The following CDC42BPG variants were observed in gnomAD, a reference collection of about 807,000 sequenced individuals.
CDC42BPG encodes the protein CDC42 binding protein kinase gamma.
Under a neutral mutation model 192.2 loss-of-function variants are expected in CDC42BPG, and 157 were observed. The observed-to-expected ratio is 0.82, with a 90% CI of 0.72 to 0.93. The LOEUF (loss-of-function observed/expected upper bound fraction) is 0.93. Among genes scored for constraint, CDC42BPG ranks in the 40% least tolerant of loss-of-function variants. The probability of loss-of-function intolerance (pLI) is 0.00; values close to 1 mark genes in which losing one functional copy is unlikely to be tolerated. For missense variants in CDC42BPG, 1,992 were observed against 2,122.1 expected, an observed-to-expected ratio of 0.94 and a Z score of 1.20; for synonymous variants, 981 against 918.5, an observed-to-expected ratio of 1.07 and a Z score of -1.23.
At chr11:64,826,189 C>A (rs1434302425) in intron 36 of CDC42BPG, among the ~76,000 whole-genome samples, 1 of 152,086 alleles carries the variant, frequency 6.6e-6, no homozygotes, top group Non-Finnish European at 1.5e-5. Flanking sequence ...GAAACCACAT[C>A]ATTTTACAGG....
chr11:64,827,193 G>A (rs768017730), intron 33 of CDC42BPG, 26 bp from the exon 34 acceptor site: 4 of 1,613,372 alleles, frequency 2.5e-6, no homozygotes, highest in Admixed American at 3.3e-5. Context: ...TAAGTAGTGG[G>A]TGGCGAAGCT....
chr11:64,834,162 G>C (rs1206966908), intron 20 of CDC42BPG, 104 bp downstream of exon 20: 6 of 1,397,166 alleles, frequency 4.3e-6, no homozygotes, highest in Non-Finnish European at 4.9e-6. Context: ...TCCAGGAACA[G>C]ACTCCTGTCT....
chr11:64,833,102 G>A, intron 24 of CDC42BPG, 129 bp downstream of exon 24: 1 of 1,291,192 alleles, frequency 7.7e-7, no homozygotes, highest in Non-Finnish European at 1.1e-6. Context: ...GTGAGAAAAG[G>A]AACAAAGCTG....
chr11:64,841,988 G>A lies in CDC42BPG; in HGVS notation c.161-84C>T, dbSNP rs185351450. The A allele has an allele frequency of 1.6e-3, 1,791 of 1,107,154 alleles. 3 individuals carry two copies. Among genetic ancestry groups the A allele is most frequent in the Non-Finnish European group, 2.1e-3 (1,553 of 749,914 alleles). The allele number at this position is 1,107,154 out of a possible 1,614,324, so 68.6% of individuals were successfully genotyped here. On this transcript the variant is annotated intron_variant, in intron 1 of 36. Coordinates refer to ENST00000342711, the MANE Select transcript of CDC42BPG (RefSeq NM_017525.3). ...CACCTTGGGCAAGCCAGGAGCTGCC[G>A]CTCCTGTGAGCCCAGGCAGGGATGA... is the stretch of plus-strand genomic sequence containing the variant.
intron 24 of CDC42BPG, 125 bp downstream of exon 24, chr11:64,833,106 A>G: frequency 1.6e-6 from 2 of 1,289,668 alleles, no homozygotes; most frequent in Non-Finnish European, 2.1e-6. Context: ...GAAAAGGAAC[A>G]AAGCTGAGCA....
rs369082197 is a variant in CDC42BPG, at chr11:64,834,352, C to T, written c.2327G>A (p.Arg776His). The T allele has an allele frequency of 1.7e-4, 260 of 1,568,642 alleles. No homozygotes were observed. The highest frequency in any genetic ancestry group is 1.1e-3 in the Middle Eastern group (6 of 5,258). The part of the protein sequence containing the change: ...VQEAQLQAER[R>H]LQEAEKQSQA... Reference sequence around the variant, plus strand: ...GCTCTGCTTCTCGGCCTCCTGCAGACGGCTGGGGAGAATGGCAAGGGCTCG... The same window carrying T: ...GCTCTGCTTCTCGGCCTCCTGCAGATGGCTGGGGAGAATGGCAAGGGCTCG... The change falls in exon 20 of 37, where the codon CGT (arginine) becomes CAT (histidine). Residue 776 changes from arginine (R) to histidine (H), a missense_variant and splice_region_variant. Arg to His is a conservative substitution (Grantham distance 29). This residue lies in a region of CDC42BPG where 1,656 missense variants were observed against 1,844.3 expected (regional missense o/e 0.90). Transcript: ENST00000342711.
chr11:64,824,608 C>A (rs577709800), intron 36 of CDC42BPG, 79 bp from the exon 37 acceptor site: 17 of 963,864 alleles, frequency 1.8e-5, no homozygotes, highest in Middle Eastern at 2.2e-4. Flanking sequence ...GTCCTGGAGG[C>A]CCCCTTAGGA....
In CDC42BPG at chr11:64,829,748, G is replaced by C. The variant is rs1224235470; in HGVS notation, c.3690C>G (p.Ser1230Arg). ...ATAGCCGGTCGCCCAGCAGCCCCAG[G>C]CTCTGCACAGTGGCAGGTGCCTGCA... ...RELQAPATVQ[S>R]LGLLGDRLCV... Residue 1230 changes from serine to arginine, a missense_variant, in exon 30 of 37, where the codon AGC (serine) becomes AGG (arginine). By Grantham distance (110) the Ser-to-Arg change is moderately radical (BLOSUM62 -1). Around this residue, in one of 2 missense-constraint regions of CDC42BPG, gnomAD observed 1,656 missense variants for 1,844.3 expected, o/e 0.90. Coordinates refer to ENST00000342711, the MANE Select transcript of CDC42BPG (RefSeq NM_017525.3). 3 of 1,606,354 alleles carry C rather than the reference G, an allele frequency of 1.9e-6. No homozygotes were observed. The Admixed American group carries it at 5.1e-5, about 27-fold the overall frequency.
chr11:64,843,521 A>G (rs1943372414), intron 1 of CDC42BPG, among the ~76,000 whole-genome samples: 1 of 152,102 alleles, frequency 6.6e-6, no homozygotes, highest in Non-Finnish European at 1.5e-5. Flanking sequence ...GTGCCTTCCC[A>G]GAGCTCAGGA....
intron 28 of CDC42BPG, 64 bp downstream of exon 28, chr11:64,831,441 A>C: frequency 1.4e-6 from 2 of 1,460,812 alleles, no homozygotes; most frequent in Non-Finnish European, 1.9e-6. Flanking sequence ...CCTTGGGACT[A>C]TTCCTAGACA....
rs189842130 is a variant in CDC42BPG, at chr11:64,834,060, G to C, written c.2414-83C>G. 4.3e-4 allele frequency: 681 copies of C among 1,576,634 alleles called. 1 individual carries two copies. The African/African-American group carries it at 8.1e-3, about 19-fold the overall frequency. On this transcript the variant is annotated intron_variant, in intron 20 of 36. Coordinates refer to ENST00000342711, the MANE Select transcript of CDC42BPG (RefSeq NM_017525.3). Reference sequence around the variant, plus strand: ...AGGAGGGGCCTCAGTTCCCACCTCAGTAAAATGGGAAATGACCACAGGGTG... The same window carrying C: ...AGGAGGGGCCTCAGTTCCCACCTCACTAAAATGGGAAATGACCACAGGGTG...
At position 64,827,383 on chromosome 11, in the gene CDC42BPG, T is replaced by C; in HGVS notation, c.4166A>G (p.Asp1389Gly). ...RNQLAEKDEF[D>G]IPDLTDNSRR... ...GCTGTTGTCGGTGAGGTCCGGGATG[T>C]CGAACTCGTCCTTCTCTGTGGGAGA... is the stretch of plus-strand genomic sequence containing the variant. Residue 1389 changes from aspartate to glycine, a missense_variant, in exon 33 of 37, where the codon GAC becomes GGC. By Grantham distance (94) the Asp-to-Gly change is moderately conservative. Coordinates refer to ENST00000342711, the MANE Select transcript of CDC42BPG (RefSeq NM_017525.3). 6.2e-7 allele frequency: 1 copy of C among 1,613,650 alleles called. No individual in the cohort carries two copies. The highest frequency in any genetic ancestry group is 1.1e-5 in the South Asian group (1 of 91,082).
In CDC42BPG at chr11:64,835,356, C is replaced by G. The variant is rs1361782265; in HGVS notation, c.1944G>C (p.Glu648Asp). 6.2e-7 allele frequency: 1 copy of G among 1,614,052 alleles called. No individual in the cohort carries two copies. The highest frequency in any genetic ancestry group is 1.7e-5 in the Admixed American group (1 of 60,034). Residue 648 changes from glutamate to aspartate, a missense_variant, in exon 16 of 37, where the codon GAG (glutamate) becomes GAC (aspartate). Physicochemically the swap from Glu to Asp is conservative, Grantham distance 45. Coordinates refer to ENST00000342711, the MANE Select transcript of CDC42BPG (RefSeq NM_017525.3). ...LQEENRRLSR[E>D]QERLEAELAQ... ...GTTGTACCCTGCTCACCCGCTCCTG[C>G]TCCCGGCTCAGCCTCCGGTTTTCCT...
chr11:64,844,650 G>T lies in CDC42BPG; in HGVS notation c.-81C>A. The T allele has an allele frequency of 1.4e-5, 16 of 1,121,970 alleles. No individual in the cohort carries two copies. The highest frequency in any genetic ancestry group is 1.8e-5 in the Non-Finnish European group (16 of 891,194). The allele number at this position is 1,121,970 out of a possible 1,614,324, so 69.5% of individuals were successfully genotyped here. A position where few individuals can be genotyped will look rare whatever the true frequency, so the allele number is the denominator to read the frequency against. On this transcript the variant is annotated 5_prime_UTR_variant, in exon 1 of 37. Transcript: ENST00000342711. ...TGTCGGGCCGTCCGTCCGCCCAACC[G>T]TCTGAGGCTCTGTCCGCGCGTCCTC...
intron 8 of CDC42BPG, 35 bp downstream of exon 8, chr11:64,838,619 G>A: frequency 6.2e-7 from 1 of 1,606,536 alleles, no homozygotes; most frequent in Non-Finnish European, 8.5e-7. Flanking sequence ...AGGGGGTAGG[G>A]CAGCTCCCCT....
chr11:64,843,348 G>A (rs888666804), intron 1 of CDC42BPG, among the ~76,000 whole-genome samples: 7 of 152,060 alleles, frequency 4.6e-5, no homozygotes, highest in African/African-American at 1.7e-4. Context: ...TCATGGGGGG[G>A]GTGACAACAA....
intron 30 of CDC42BPG, 59 bp downstream of exon 30, chr11:64,829,412 G>C: frequency 6.3e-7 from 1 of 1,574,830 alleles, no homozygotes; most frequent in Non-Finnish European, 8.6e-7. Flanking sequence ...GCGGGACCCT[G>C]TCTTCACCCA....
At chr11:64,827,815 TC>T in intron 30 of CDC42BPG, 32 bp from the exon 31 acceptor site, 1 of 1,554,514 alleles carries the variant, frequency 6.4e-7, no homozygotes, top group Non-Finnish European at 8.7e-7. Flanking sequence ...CTGAGCTGTT[TC>T]CCCCTCTGTT....
chr11:64,839,432 G>A lies in CDC42BPG; in HGVS notation c.675+46C>T. On this transcript the variant is annotated intron_variant, in intron 6 of 36. Transcript: ENST00000342711. ...GGGCCTCCCATTTTCCTGAGAGCTT[G>A]GCCCGCCTTGTATCCCCTGCTCCCA... 4 of 1,556,630 alleles carry A rather than the reference G, an allele frequency of 2.6e-6. No individual in the cohort carries two copies. The South Asian group carries it at 4.5e-5, about 18-fold the overall frequency.
Sources: gnomAD v4.1 joint callset for allele counts (sites outside exome capture counted in the v4.1 genomes callset) on GRCh38, gnomAD v4.1.1 for gene constraint, gnomAD v4.1.1 regional missense constraint, MANE v1.5 for transcripts, NCBI Gene and HGNC (gene_info 2026-07-23, HGNC 2026-07-21) for gene names.